The following ZNF385C variants were observed in gnomAD, a reference collection of about 807,000 sequenced individuals.
ZNF385C encodes the protein CTD-2132N18.2.
Under a neutral mutation model 35.4 loss-of-function variants are expected in ZNF385C, and 28 were observed. The ratio of observed to expected loss-of-function variants is 0.79; its 90% CI spans 0.59 to 1.08. The LOEUF (loss-of-function observed/expected upper bound fraction) is 1.08, where lower values mean the gene tolerates loss of function less well. Among genes scored for constraint, ZNF385C ranks in the 50% least tolerant of loss-of-function variants. ZNF385C has a pLI of 0.00. For missense variants in ZNF385C, 605 were observed against 595.6 expected (o/e 1.02, Z -0.16); for synonymous variants, 248 against 248.2 (o/e 1.00, Z 0.01).
intron 1 of ZNF385C, among the ~76,000 whole-genome samples, chr17:42,073,961 C>CATT (rs2053658736): frequency 6.9e-6 from 1 of 144,356 alleles, no homozygotes; most frequent in African/African-American, 2.7e-5. Context: ...GGTTCACCAA[C>CATT]CACCAACTCA....
chr17:42,060,863 T>A (rs571606843), intron 2 of ZNF385C, among the ~76,000 whole-genome samples: 6 of 151,852 alleles, frequency 4.0e-5, no homozygotes, highest in Admixed American at 3.3e-4. Context: ...CTACAGGTGC[T>A]CACCACCACA....
chr17:42,040,797 T>TA, intron 2 of ZNF385C: 1 of 1,232,304 alleles, frequency 8.1e-7, no homozygotes, highest in Non-Finnish European at 1.0e-6. Context: ...TGCTCTCATA[T>TA]TGACCCAAGT....
intron 2 of ZNF385C, chr17:42,040,783 A>G: frequency 8.1e-7 from 1 of 1,232,358 alleles, no homozygotes; most frequent in Non-Finnish European, 1.0e-6. Context: ...TAGGGCATCC[A>G]ATATGCTCTC....
chr17:42,036,480 C>T (rs1261282370), intron 3 of ZNF385C, among the ~76,000 whole-genome samples: 1 of 151,944 alleles, frequency 6.6e-6, no homozygotes, highest in African/African-American at 2.4e-5. Flanking sequence ...ATCCCTTGAG[C>T]TCCAGAGTTT....
intron 2 of ZNF385C, among the ~76,000 whole-genome samples, chr17:42,051,853 G>A (rs979329136): frequency 7.9e-5 from 12 of 152,294 alleles, no homozygotes; most frequent in Middle Eastern, 3.4e-3. Context: ...GCCACCCACC[G>A]TCTGCCTCTG....
At chr17:42,029,181 TG>T in intron 5 of ZNF385C, 108 bp from the exon 6 acceptor site, 2 of 1,290,274 alleles carry the variant, frequency 1.6e-6, no homozygotes, top group East Asian at 2.5e-5. Flanking sequence ...TGACCAGCAC[TG>T]AATTCCAGGC....
chr17:42,039,425 ACTC>A (rs527448816), intron 2 of ZNF385C: 20 of 327,232 alleles, frequency 6.1e-5, no homozygotes, highest in African/African-American at 3.6e-4. Flanking sequence ...AGGGTGAGCT[ACTC>A]CTCATCTAAC....
chr17:42,094,287 C>T (rs1297908215), intron 1 of ZNF385C, among the ~76,000 whole-genome samples: 1 of 152,208 alleles, frequency 6.6e-6, no homozygotes, highest in Non-Finnish European at 1.5e-5. Flanking sequence ...CTGGCTGTCA[C>T]CTTCTTTCAG....
chr17:42,098,074 A>C (rs1449969370), intron 1 of ZNF385C, among the ~76,000 whole-genome samples: 3 of 152,176 alleles, frequency 2.0e-5, no homozygotes, highest in Non-Finnish European at 4.4e-5. Context: ...ACTCTCAGTC[A>C]ACGAGGTTCC....
Position 42,079,146 on chromosome 17 carries a change from GT to G in ZNF385C, c.-2-16089del, listed in dbSNP as rs1489556979. 5.2e-4 allele frequency among the ~76,000 whole-genome samples: 75 copies of G among 145,042 alleles called. No homozygotes were observed. The Middle Eastern group carries it at 0.011, about 22-fold the overall frequency. Reference sequence around the variant, plus strand: ...GTGGGTGGATTGCTTGAGCCCAGGAGTTTGAGACCAGCCTGAGAAACATGAC... The same window carrying G: ...GTGGGTGGATTGCTTGAGCCCAGGAGTTGAGACCAGCCTGAGAAACATGAC... On this transcript the variant is annotated intron_variant, in intron 1 of 8. Transcript: ENST00000692273.
intron 2 of ZNF385C, chr17:42,038,185 G>C (rs2052910839): frequency 1.1e-6 from 1 of 938,050 alleles, no homozygotes; most frequent in African/African-American, 1.7e-5. Flanking sequence ...GAGAGGGACA[G>C]AGGGGTCTGG....
chr17:42,049,643 G>A (rs2053243203), intron 2 of ZNF385C, among the ~76,000 whole-genome samples: 1 of 152,222 alleles, frequency 6.6e-6, no homozygotes, highest in Non-Finnish European at 1.5e-5. Context: ...TCAGAATGGG[G>A]GCAGAGGGGT....
At chr17:42,073,988 TG>T (rs2053659030) in intron 1 of ZNF385C, among the ~76,000 whole-genome samples, 1 of 152,234 alleles carries the variant, frequency 6.6e-6, no homozygotes, top group Admixed American at 6.5e-5. Flanking sequence ...CCTTGGGCCT[TG>T]CCCCTGCTCT....
intron 1 of ZNF385C, among the ~76,000 whole-genome samples, chr17:42,093,530 A>C (rs1432983816): frequency 6.6e-6 from 1 of 152,160 alleles, no homozygotes; most frequent in East Asian, 1.9e-4. Flanking sequence ...CAGAGGAGTT[A>C]GAGGAGATGA....
intron 1 of ZNF385C, among the ~76,000 whole-genome samples, chr17:42,087,288 A>T (rs2053818939): frequency 6.6e-6 from 1 of 152,260 alleles, no homozygotes; most frequent in East Asian, 1.9e-4. Context: ...GTAGGCATAT[A>T]TGCACGCTGG....
intron 6 of ZNF385C, 86 bp from the exon 7 acceptor site, chr17:42,028,332 T>C: frequency 7.2e-7 from 1 of 1,384,048 alleles, no homozygotes; most frequent in South Asian, 1.4e-5. Context: ...GCAATTTGGC[T>C]CTCCCTGTAA....
intron 2 of ZNF385C, chr17:42,040,223 C>A (rs2052981913): frequency 8.1e-7 from 1 of 1,231,464 alleles, no homozygotes. Context: ...GGGTAGGAGT[C>A]CTGTAGGCCC....
intron 2 of ZNF385C, 131 bp downstream of exon 2, chr17:42,062,676 C>A: frequency 7.2e-6 from 3 of 418,754 alleles, no homozygotes; most frequent in Non-Finnish European, 1.3e-5. Context: ...GACCCTAAGA[C>A]CCCATTGAGG....
At chr17:42,084,396 G>A (rs1171073722) in intron 1 of ZNF385C, among the ~76,000 whole-genome samples, 1 of 151,148 alleles carries the variant, frequency 6.6e-6, no homozygotes, top group African/African-American at 2.4e-5. Context: ...ATTCTGTTTT[G>A]ATGAAGTGTT....
Sources: gnomAD v4.1 joint callset for allele counts (sites outside exome capture counted in the v4.1 genomes callset) on GRCh38, gnomAD v4.1.1 for gene constraint, MANE v1.5 for transcripts, NCBI Gene and HGNC (gene_info 2026-07-23, HGNC 2026-07-21) for gene names.